Variants in BACH2 observed in about 807,000 individuals in gnomAD.
BACH2 encodes transcription regulator protein BACH2.
In BACH2, 5 loss-of-function variants were observed where a neutral mutation model predicts 61.8. The observed-to-expected ratio is 0.08, with a 90% CI of 0.04 to 0.17. The LOEUF (loss-of-function observed/expected upper bound fraction) is 0.17, where lower values mean the gene tolerates loss of function less well. BACH2 is among the 10% of genes least tolerant of loss of function. BACH2 has a pLI of 1.00. For missense variants in BACH2, 824 were observed against 1,091.1 expected, an observed-to-expected ratio of 0.76 and a Z score of 3.45; for synonymous variants, 446 against 440.1, an observed-to-expected ratio of 1.01 and a Z score of -0.17.
In BACH2 at chr6:90,013,380, A is replaced by G. The variant is rs544963048; in HGVS notation, c.-12-4524T>C. 1.1e-4 allele frequency among the ~76,000 whole-genome samples: 16 copies of G among 152,252 alleles called. 1 individual carries two copies. In the South Asian group the frequency reaches 3.3e-3, roughly 32 times the overall value. ...AGTATTCAACCATTCACCATTTTGT[A>G]TGACGTTAGCTATAGATGCTTCATA... On this transcript the variant is annotated intron_variant, in intron 5 of 8. Coordinates refer to ENST00000257749, the MANE Select transcript of BACH2 (RefSeq NM_021813.4).
At chr6:90,025,470 C>T (rs1778588346) in intron 5 of BACH2, among the ~76,000 whole-genome samples, 2 of 152,304 alleles carry the variant, frequency 1.3e-5, no homozygotes, top group South Asian at 4.1e-4. Flanking sequence ...ACTTCTCATA[C>T]ATTAATCTCT....
chr6:90,130,572 T>C (rs1045640740), intron 4 of BACH2, among the ~76,000 whole-genome samples: 1 of 152,252 alleles, frequency 6.6e-6, no homozygotes, highest in African/African-American at 2.4e-5. Flanking sequence ...ATGGTTATCA[T>C]GCTAACAGAA....
intron 4 of BACH2, among the ~76,000 whole-genome samples, chr6:90,191,087 C>T (rs1038110436): frequency 1.3e-5 from 2 of 152,232 alleles, no homozygotes; most frequent in African/African-American, 4.8e-5. Context: ...TTTTCTTCAT[C>T]TTGCCTTCGG....
intron 7 of BACH2, among the ~76,000 whole-genome samples, chr6:89,943,586 T>C (rs1027030726): frequency 3.3e-5 from 5 of 152,194 alleles, no homozygotes; most frequent in Admixed American, 2.6e-4. Flanking sequence ...CTGCATCTTT[T>C]TTAGGAGTTG....
At chr6:90,197,337 T>TC (rs1260209632) in intron 4 of BACH2, among the ~76,000 whole-genome samples, 1 of 152,188 alleles carries the variant, frequency 6.6e-6, no homozygotes, top group African/African-American at 2.4e-5. Context: ...TACATAGCAA[T>TC]CCCACTGAGA....
chr6:90,014,447 T>A (rs1399325731), intron 5 of BACH2, among the ~76,000 whole-genome samples: 1 of 70,066 alleles, frequency 1.4e-5, no homozygotes, highest in African/African-American at 8.4e-5. Flanking sequence ...TGTGTATATA[T>A]ATATATATAT....
rs75009099 is a variant in BACH2 at position 90,262,117 on chromosome 6, C to T, written c.-352-9527G>A. ...GAAGGCCAGCCTCCTTGGCATGGTACGTAAGGTCCTTCATAATCAGTTTTA... is the reference window on the plus strand; with the variant it reads ...GAAGGCCAGCCTCCTTGGCATGGTATGTAAGGTCCTTCATAATCAGTTTTA... On this transcript the variant is annotated intron_variant, in intron 2 of 8. Coordinates refer to ENST00000257749, the MANE Select transcript of BACH2 (RefSeq NM_021813.4). 2.5e-3 allele frequency among the ~76,000 whole-genome samples: 381 copies of T among 152,338 alleles called. 4 individuals carry two copies. Among genetic ancestry groups the T allele is most frequent in the African/African-American group, 8.6e-3 (356 of 41,588 alleles).
intron 6 of BACH2, among the ~76,000 whole-genome samples, chr6:89,984,740 G>GACCTAAGT (rs1776145440): frequency 6.6e-6 from 1 of 152,104 alleles, no homozygotes; most frequent in Non-Finnish European, 1.5e-5. Flanking sequence ...AGGTACTTAG[G>GACCTAAGT]ACCCACTGTT....
At chr6:89,945,032 C>T (rs866542797) in intron 7 of BACH2, among the ~76,000 whole-genome samples, 1 of 152,106 alleles carries the variant, frequency 6.6e-6, no homozygotes, top group Non-Finnish European at 1.5e-5. Context: ...CAAGTGTTGG[C>T]GAGGATGCAG....
chr6:90,265,832 C>G (rs1425316842), intron 2 of BACH2, among the ~76,000 whole-genome samples: 1 of 152,152 alleles, frequency 6.6e-6, no homozygotes, highest in Non-Finnish European at 1.5e-5. Context: ...TAGAAGAGGA[C>G]AGAGAAGCAC....
chr6:90,042,439 A>G (rs1248830909), intron 5 of BACH2, among the ~76,000 whole-genome samples: 2 of 151,672 alleles, frequency 1.3e-5, no homozygotes, highest in African/African-American at 2.4e-5. Context: ...TCCTGGGCTC[A>G]TCCACTCACC....
intron 3 of BACH2, chr6:90,218,077 G>A (rs1382605044): frequency 6.6e-5 from 10 of 152,046 alleles, no homozygotes; most frequent in African/African-American, 1.2e-4. Flanking sequence ...CTAAGAGTAC[G>A]GTTCCAATTT....
At chr6:90,166,381 C>T (rs1489042805) in intron 4 of BACH2, among the ~76,000 whole-genome samples, 1 of 152,046 alleles carries the variant, frequency 6.6e-6, no homozygotes, top group Non-Finnish European at 1.5e-5. Flanking sequence ...GTTAGAATGG[C>T]AATCATTAAA....
chr6:90,236,774 A>C (rs76349877), intron 3 of BACH2, among the ~76,000 whole-genome samples: 1,897 of 152,300 alleles, frequency 0.012, 47 homozygotes, highest in African/African-American at 0.043. Context: ...ACTTTAGCTC[A>C]CTGTATAGAA....
chr6:89,958,307 T>A (rs1051120943), intron 6 of BACH2, among the ~76,000 whole-genome samples: 5 of 152,222 alleles, frequency 3.3e-5, no homozygotes, highest in Non-Finnish European at 7.3e-5. Flanking sequence ...TCTCCAACGA[T>A]GTGCTAGGCA....
chr6:90,108,490 T>G (rs1264323476), intron 4 of BACH2, among the ~76,000 whole-genome samples: 1 of 152,184 alleles, frequency 6.6e-6, no homozygotes, highest in Non-Finnish European at 1.5e-5. Flanking sequence ...TGCATTACAC[T>G]TCCATGGCTT....
intron 6 of BACH2, among the ~76,000 whole-genome samples, chr6:89,954,406 G>A (rs1184644471): frequency 2.0e-5 from 3 of 149,746 alleles, no homozygotes; most frequent in Admixed American, 2.0e-4. Flanking sequence ...CCATTAACTA[G>A]TCATTTAGCA....
intron 6 of BACH2, among the ~76,000 whole-genome samples, chr6:89,999,361 G>T (rs184184376): frequency 9.7e-4 from 147 of 152,104 alleles, no homozygotes; most frequent in African/African-American, 3.5e-3. Context: ...ATGAAGCCAT[G>T]CTAATTGGAC....
chr6:90,266,371 A>T (rs1254740033), intron 2 of BACH2, among the ~76,000 whole-genome samples: 1 of 152,156 alleles, frequency 6.6e-6, no homozygotes, highest in Non-Finnish European at 1.5e-5. Flanking sequence ...AGGCTCTAGA[A>T]GACAGAAGAT....
Sources: allele counts gnomAD v4.1 joint callset (sites outside exome capture counted in the v4.1 genomes callset), GRCh38; gene constraint gnomAD v4.1.1; transcripts MANE v1.5; gene names NCBI Gene and HGNC (gene_info 2026-07-23, HGNC 2026-07-21).